Variants in XPR1 observed in about 807,000 individuals in gnomAD.
XPR1 encodes the protein xenotropic and polytropic retrovirus receptor 1.
XPR1 carries 28 observed loss-of-function variants against 87.5 expected under a neutral mutation model. That is an observed-to-expected ratio of 0.32 (90% CI 0.24 to 0.44). The LOEUF (loss-of-function observed/expected upper bound fraction) is 0.44, where lower values mean the gene tolerates loss of function less well. XPR1 is among the 20% of genes least tolerant of loss of function. The probability of loss-of-function intolerance (pLI) is 1.00; values close to 1 mark genes in which losing one functional copy is unlikely to be tolerated. For missense variants in XPR1, 559 were observed against 862.3 expected (o/e 0.65, Z 4.41); for synonymous variants, 300 against 306.1 (o/e 0.98, Z 0.21).
rs753571797 is a variant in XPR1 at position 180,886,690 on chromosome 1, G to C, written c.*2624G>C. ...TTTATGTTCCTCTTAAAGCTGTAAA[G>C]AGAAAAGAGGACTTTTCCTCATCAA... On this transcript the variant is annotated 3_prime_UTR_variant, in exon 15 of 15. Transcript: ENST00000367590. The C allele has an allele frequency of 2.6e-5, 4 of 152,192 alleles. No homozygotes were observed. Among genetic ancestry groups the C allele is most frequent in the Admixed American group, 2.0e-4 (3 of 15,276 alleles). The allele number at this position is 152,192 out of a possible 1,614,324, so 9.4% of individuals were successfully genotyped here. A position where few individuals can be genotyped will look rare whatever the true frequency, so the allele number is the denominator to read the frequency against.
intron 7 of XPR1, among the ~76,000 whole-genome samples, chr1:180,818,597 AT>A (rs1467650594): frequency 7.9e-5 from 12 of 152,160 alleles, no homozygotes; most frequent in African/African-American, 2.9e-4. Flanking sequence ...TTGTTAGCTG[AT>A]TTTTAAGTTA....
intron 2 of XPR1, among the ~76,000 whole-genome samples, chr1:180,714,248 T>C (rs547456820): frequency 3.4e-5 from 4 of 119,236 alleles, no homozygotes; most frequent in East Asian, 2.0e-4. Flanking sequence ...TCCTCCTCCT[T>C]CTCATCCTTC....
intron 1 of XPR1, among the ~76,000 whole-genome samples, chr1:180,655,203 GT>G (rs1655413257): frequency 6.6e-6 from 1 of 152,064 alleles, no homozygotes; most frequent in African/African-American, 2.4e-5. Context: ...TATGTGGTTA[GT>G]TTGGTTATTT....
At chr1:180,751,354 A>C (rs183611678) in intron 2 of XPR1, among the ~76,000 whole-genome samples, 191 of 152,158 alleles carry the variant, frequency 1.3e-3, no homozygotes, top group African/African-American at 4.4e-3. Flanking sequence ...GCCTAATAAT[A>C]GAGGAATTCT....
intron 11 of XPR1, among the ~76,000 whole-genome samples, chr1:180,845,620 A>G (rs1286419951): frequency 6.6e-6 from 1 of 152,188 alleles, no homozygotes; most frequent in Non-Finnish European, 1.5e-5. Context: ...TCCTAGGCTC[A>G]TGGGATCCTC....
intron 1 of XPR1, among the ~76,000 whole-genome samples, chr1:180,654,151 G>C (rs1489490135): frequency 1.3e-5 from 2 of 151,894 alleles, no homozygotes; most frequent in Non-Finnish European, 2.9e-5. Flanking sequence ...TTCAATAAAT[G>C]TTAACTATTA....
chr1:180,876,703 A>C (rs532509163), intron 13 of XPR1, among the ~76,000 whole-genome samples: 1 of 152,160 alleles, frequency 6.6e-6, no homozygotes, highest in Non-Finnish European at 1.5e-5. Flanking sequence ...AAGAACCTCT[A>C]TATTTGTAGA....
chr1:180,884,200 C>T lies in XPR1; in HGVS notation c.*134C>T, dbSNP rs778669251. The T allele has an allele frequency of 4.3e-4, 273 of 636,754 alleles. 1 individual carries two copies. Among genetic ancestry groups the T allele is most frequent in the East Asian group, 8.5e-4 (28 of 32,766 alleles). 39.4% of individuals were successfully genotyped at this position (636,754 alleles called of 1,614,324 possible). A position where few individuals can be genotyped will look rare whatever the true frequency, so the allele number is the denominator to read the frequency against. On this transcript the variant is annotated 3_prime_UTR_variant, in exon 15 of 15. Coordinates refer to ENST00000367590, the MANE Select transcript of XPR1 (RefSeq NM_004736.4). ...ACACATTTTCCGAGCTCTTCCGGAT[C>T]GGATCCTATGGACTCCAAACAAGCT...
chr1:180,637,156 A>G (rs189135907), intron 1 of XPR1, among the ~76,000 whole-genome samples: 26 of 152,268 alleles, frequency 1.7e-4, no homozygotes, highest in African/African-American at 6.0e-4. Context: ...CTAGTATTTA[A>G]TAAATGGATT....
chr1:180,879,635 CTTAA>C (rs1652781610), intron 13 of XPR1, among the ~76,000 whole-genome samples: 1 of 152,190 alleles, frequency 6.6e-6, no homozygotes, highest in Non-Finnish European at 1.5e-5. Context: ...CCTAACCAGT[CTTAA>C]TGATGGCATA....
At chr1:180,657,230 C>T (rs1179150960) in intron 1 of XPR1, among the ~76,000 whole-genome samples, 1 of 151,714 alleles carries the variant, frequency 6.6e-6, no homozygotes, top group East Asian at 1.9e-4. Flanking sequence ...AATATTTTTT[C>T]CCATTCTGTG....
rs1402787314 is a variant in XPR1 at position 180,686,241 on chromosome 1, T to A, written c.121+3830T>A. Among the ~76,000 whole-genome samples, 3 of 152,350 alleles carry A rather than the reference T, an allele frequency of 2.0e-5. No individual in the cohort carries two copies. In the East Asian group the frequency reaches 5.8e-4, roughly 29 times the overall value. ...CTTTATTTCTGCCTTCATTTTGTTATGTACCCAGTAGTCATTCAGGAGCAG... is the reference window on the plus strand; with the variant it reads ...CTTTATTTCTGCCTTCATTTTGTTAAGTACCCAGTAGTCATTCAGGAGCAG... On this transcript the variant is annotated intron_variant, in intron 2 of 14. Coordinates refer to ENST00000367590, the MANE Select transcript of XPR1 (RefSeq NM_004736.4).
chr1:180,673,814 G>C (rs1172371850), intron 1 of XPR1, among the ~76,000 whole-genome samples: 1 of 152,220 alleles, frequency 6.6e-6, no homozygotes, highest in Non-Finnish European at 1.5e-5. Flanking sequence ...GGGGACCACT[G>C]ATCTAGATGA....
chr1:180,879,181 T>C (rs1014476807), intron 13 of XPR1, among the ~76,000 whole-genome samples: 3 of 152,238 alleles, frequency 2.0e-5, no homozygotes, highest in Non-Finnish European at 4.4e-5. Flanking sequence ...ATCCTTTGTC[T>C]GTCTGCTTCT....
rs181110701 is a variant in XPR1 at position 180,850,472 on chromosome 1, C to T, written c.1502-13236C>T. Among the ~76,000 whole-genome samples, 7 of 152,166 alleles carry T rather than the reference C, an allele frequency of 4.6e-5. No individual in the cohort carries two copies. In the East Asian group the frequency reaches 1.4e-3, roughly 29 times the overall value. ...TTGTGATCTGCATTTATTTTATATT[C>T]AATTCTGATTACTATATTCTGTATT... On this transcript the variant is annotated intron_variant, in intron 11 of 14. Coordinates refer to ENST00000367590, the MANE Select transcript of XPR1 (RefSeq NM_004736.4).
intron 2 of XPR1, among the ~76,000 whole-genome samples, chr1:180,693,132 T>C (rs1284810873): frequency 6.6e-6 from 1 of 152,234 alleles, no homozygotes; most frequent in East Asian, 1.9e-4. Flanking sequence ...GAGGAAAAGA[T>C]ACCAGCAGAT....
At chr1:180,740,326 G>A (rs775295629) in intron 2 of XPR1, among the ~76,000 whole-genome samples, 8 of 151,952 alleles carry the variant, frequency 5.3e-5, no homozygotes, top group Admixed American at 4.6e-4. Context: ...TTATCAAGTC[G>A]GGGAACTTTT....
At chr1:180,678,732 G>A (rs1483141408) in intron 1 of XPR1, among the ~76,000 whole-genome samples, 2 of 151,832 alleles carry the variant, frequency 1.3e-5, no homozygotes, top group East Asian at 3.9e-4. Flanking sequence ...ATATTATTAG[G>A]CCTGGTTAGT....
Position 180,804,075 on chromosome 1 carries a change from T to C in XPR1, c.447+464T>C, listed in dbSNP as rs577801660. On this transcript the variant is annotated intron_variant, in intron 4 of 14. Transcript: ENST00000367590. Reference sequence around the variant, plus strand: ...ATCTCGGCTCACTGCAACCTCCGCCTCCTGGGTTCAAGCAATTCTCCTACC... The same window carrying C: ...ATCTCGGCTCACTGCAACCTCCGCCCCCTGGGTTCAAGCAATTCTCCTACC... Among the ~76,000 whole-genome samples, 7 of 151,698 alleles carry C rather than the reference T, an allele frequency of 4.6e-5. No individual in the cohort carries two copies. In the East Asian group the frequency reaches 1.4e-3, roughly 29 times the overall value.
Sources: gnomAD v4.1 joint callset for allele counts (sites outside exome capture counted in the v4.1 genomes callset) on GRCh38, gnomAD v4.1.1 for gene constraint, MANE v1.5 for transcripts, NCBI Gene and HGNC (gene_info 2026-07-23, HGNC 2026-07-21) for gene names.